The following ALG6 variants were observed in gnomAD, a reference collection of about 807,000 sequenced individuals.
ALG6 encodes ALG6 alpha-1,3-glucosyltransferase.
ALG6 carries 46 observed loss-of-function variants against 66.6 expected under a neutral mutation model. The ratio of observed to expected loss-of-function variants is 0.69; its 90% CI spans 0.55 to 0.88. ALG6 has a LOEUF of 0.88. ALG6 is among the 40% of genes least tolerant of loss of function. The pLI, the probability that ALG6 is intolerant of heterozygous loss-of-function variation, is 0.00. For synonymous variants in ALG6, 185 were observed against 203.7 expected (o/e 0.91, Z 0.78); for missense variants, 505 against 586.8 (o/e 0.86, Z 1.44).
chr1:63,406,199 A>G, intron 5 of ALG6, 118 bp from the exon 6 acceptor site: 4 of 881,508 alleles, frequency 4.5e-6, no homozygotes, highest in Non-Finnish European at 7.5e-6. Flanking sequence ...GGACTTGTCC[A>G]TAGTAGGGCA....
chr1:63,423,747 G>T (rs1644600184), intron 12 of ALG6, among the ~76,000 whole-genome samples: 1 of 152,014 alleles, frequency 6.6e-6, no homozygotes, highest in Non-Finnish European at 1.5e-5. Flanking sequence ...TCAGTTGATG[G>T]ACATTGGGTT....
chr1:63,387,010 T>A (rs1648523251), intron 2 of ALG6, among the ~76,000 whole-genome samples: 1 of 152,192 alleles, frequency 6.6e-6, no homozygotes, highest in Non-Finnish European at 1.5e-5. Context: ...TTTGAAGAAA[T>A]TTTTAAATTT....
At chr1:63,401,984 TACAA>T (rs1158285248) in intron 3 of ALG6, among the ~76,000 whole-genome samples, 4 of 152,170 alleles carry the variant, frequency 2.6e-5, no homozygotes, top group Non-Finnish European at 4.4e-5. Context: ...TTGAATTGGT[TACAA>T]ACAATCCTAT....
At chr1:63,408,500 T>A (rs1464063983) in intron 7 of ALG6, among the ~76,000 whole-genome samples, 1 of 152,202 alleles carries the variant, frequency 6.6e-6, no homozygotes, top group Non-Finnish European at 1.5e-5. Context: ...CTTATAAATA[T>A]CTCCTTGTAC....
chr1:63,434,613 G>A (rs754639466), intron 14 of ALG6, among the ~76,000 whole-genome samples: 2 of 151,316 alleles, frequency 1.3e-5, no homozygotes, highest in Admixed American at 6.6e-5. Flanking sequence ...GTTTTTTTGC[G>A]ATATTTTTAA....
rs1648180866 is a variant in ALG6, at chr1:63,377,768, C to T, written c.82+6709C>T. ...TTATTTTTAGAGATGGGATCTCACT[C>T]TATTGCCCAAGCTCAAGTACAGTGG... On this transcript the variant is annotated intron_variant, in intron 2 of 14. Coordinates refer to ENST00000263440, the MANE Select transcript of ALG6 (RefSeq NM_013339.4). Among the ~76,000 whole-genome samples the T allele has an allele frequency of 2.6e-5, 4 of 152,276 alleles. No individual in the cohort carries two copies. In the South Asian group the frequency reaches 8.3e-4, roughly 32 times the overall value.
In ALG6 at chr1:63,402,331, T is replaced by TA; in HGVS notation, c.246dup (p.Cys83MetfsTer22). 6.2e-7 allele frequency: 1 copy of TA among 1,606,578 alleles called. No individual in the cohort carries two copies. Reference sequence around the variant, plus strand: ...CCTCTTACAGCTTATCATAGTCTCCTATGTGCATATGTGTAAGTTTTTCTT... The same window carrying TA: ...CCTCTTACAGCTTATCATAGTCTCCTAATGTGCATATGTGTAAGTTTTTCTT... On this transcript the variant is annotated frameshift_variant, in exon 4 of 15. Transcript: ENST00000263440. LOFTEE classifies it high-confidence loss of function.
At chr1:63,420,413 A>C (rs570844573) in intron 12 of ALG6, among the ~76,000 whole-genome samples, 1 of 152,332 alleles carries the variant, frequency 6.6e-6, no homozygotes, top group South Asian at 2.1e-4. Context: ...TTATACTCAT[A>C]GAAAGGCAGC....
chr1:63,367,731 T>A (rs1343430315), intron 1 of ALG6, 44 bp downstream of exon 1: 1 of 152,108 alleles, frequency 6.6e-6, no homozygotes, highest in Non-Finnish European at 1.5e-5. Flanking sequence ...CAGGCCAGTG[T>A]GGGGAGGTGC....
At chr1:63,417,532 A>T (rs558193238) in intron 11 of ALG6, among the ~76,000 whole-genome samples, 23 of 152,260 alleles carry the variant, frequency 1.5e-4, no homozygotes, top group African/African-American at 4.6e-4. Flanking sequence ...TCCCATTATA[A>T]TTGTTTTAAA....
chr1:63,415,760 AAACTT>A, intron 10 of ALG6, 108 bp from the exon 11 acceptor site: 1 of 638,196 alleles, frequency 1.6e-6, no homozygotes, highest in Non-Finnish European at 2.6e-6. Context: ...AGTTTGAAAT[AAACTT>A]AAGTTGATAA....
chr1:63,380,034 G>C (rs1413823113), intron 2 of ALG6, among the ~76,000 whole-genome samples: 1 of 151,994 alleles, frequency 6.6e-6, no homozygotes, highest in African/African-American at 2.4e-5. Flanking sequence ...TTTTGTGCAA[G>C]AAGAAAACAG....
chr1:63,391,285 C>T (rs569175988), intron 2 of ALG6, among the ~76,000 whole-genome samples: 1 of 152,158 alleles, frequency 6.6e-6, no homozygotes, highest in East Asian at 1.9e-4. Flanking sequence ...AAGTTTGAAA[C>T]CTTCAGAAGG....
chr1:63,411,580 T>C (rs1321546810), intron 8 of ALG6, among the ~76,000 whole-genome samples: 1 of 152,240 alleles, frequency 6.6e-6, no homozygotes, highest in African/African-American at 2.4e-5. Context: ...AGAACTTTGC[T>C]GTAGGATTTT....
rs1201833762 is a variant in ALG6 at position 63,402,288 on chromosome 1, T to G, written c.202T>G (p.Trp68Gly). ...FNSSDNNLQY[W>G]GLDYPPLTAY... Reference sequence around the variant, plus strand: ...CAGCAGTGATAACAATTTACAGTATTGGGGATTGGATTACCCACCTCTTAC... The same window carrying G: ...CAGCAGTGATAACAATTTACAGTATGGGGGATTGGATTACCCACCTCTTAC... Residue 68 changes from tryptophan (W) to glycine (G), a missense_variant, in exon 4 of 15, where the codon TGG becomes GGG. By Grantham distance (184) the Trp-to-Gly change is radical. Transcript: ENST00000263440. 2 of 1,611,484 alleles carry G rather than the reference T, an allele frequency of 1.2e-6. No homozygotes were observed.
intron 14 of ALG6, among the ~76,000 whole-genome samples, chr1:63,434,443 T>C (rs1224560764): frequency 6.6e-6 from 1 of 152,172 alleles, no homozygotes; most frequent in Non-Finnish European, 1.5e-5. Flanking sequence ...AAGAGTTTTT[T>C]ACATGTTTAG....
intron 1 of ALG6, among the ~76,000 whole-genome samples, chr1:63,368,181 C>T (rs1416423717): frequency 1.3e-5 from 2 of 152,144 alleles, no homozygotes; most frequent in Non-Finnish European, 2.9e-5. Context: ...ACTTCGTGGC[C>T]AGTGGATGGG....
chr1:63,402,188 A>G, intron 3 of ALG6, 66 bp from the exon 4 acceptor site: 1 of 983,360 alleles, frequency 1.0e-6, no homozygotes, highest in African/African-American at 1.6e-5. Flanking sequence ...TGCAATGTTA[A>G]ATTATAAGTC....
intron 5 of ALG6, among the ~76,000 whole-genome samples, chr1:63,404,971 A>G (rs979025388): frequency 6.6e-6 from 1 of 152,096 alleles, no homozygotes; most frequent in African/African-American, 2.4e-5. Context: ...TATACATTGT[A>G]TTGTTGTGCA....
Sources: gnomAD v4.1 joint callset for allele counts (sites outside exome capture counted in the v4.1 genomes callset) on GRCh38, gnomAD v4.1.1 for gene constraint, MANE v1.5 for transcripts, NCBI Gene and HGNC (gene_info 2026-07-23, HGNC 2026-07-21) for gene names.